Variants in SHC4 observed in about 807,000 individuals in gnomAD.
SHC4 encodes the protein SHC-transforming protein 4.
SHC4 carries 41 observed loss-of-function variants against 69.4 expected under a neutral mutation model. The observed-to-expected ratio is 0.59, with a 90% CI of 0.46 to 0.77. The LOEUF (loss-of-function observed/expected upper bound fraction) is 0.77. SHC4 is among the 30% of genes least tolerant of loss of function. The probability of loss-of-function intolerance (pLI) is 0.00; values close to 1 mark genes in which losing one functional copy is unlikely to be tolerated. For missense variants in SHC4, 777 were observed against 783.8 expected, an observed-to-expected ratio of 0.99 and a Z score of 0.10; for synonymous variants, 318 against 299.3, an observed-to-expected ratio of 1.06 and a Z score of -0.64.
At chr15:48,878,968 G>A in intron 4 of SHC4, 1 of 460,616 alleles carries the variant, frequency 2.2e-6, no homozygotes, top group Non-Finnish European at 4.0e-6. Context: ...CAATTATCAA[G>A]AACGTCCTAA....
chr15:48,907,771 CATATAT>C (rs59241668), intron 2 of SHC4, among the ~76,000 whole-genome samples: 1 of 147,124 alleles, frequency 6.8e-6, no homozygotes, highest in Non-Finnish European at 1.5e-5. Flanking sequence ...AGTATTCCAT[CATATAT>C]ATATATATAC....
intron 1 of SHC4, among the ~76,000 whole-genome samples, chr15:48,952,832 T>G (rs1044508779): frequency 4.6e-5 from 7 of 152,226 alleles, no homozygotes; most frequent in African/African-American, 1.7e-4. Flanking sequence ...GTGCAAATAG[T>G]TCAACCATTG....
intron 2 of SHC4, among the ~76,000 whole-genome samples, chr15:48,922,688 T>C (rs1900773017): frequency 6.6e-6 from 1 of 152,224 alleles, no homozygotes; most frequent in Non-Finnish European, 1.5e-5. Context: ...ATTCAGACCA[T>C]AGCTCTCAGG....
At chr15:48,878,349 T>A in intron 4 of SHC4, 1 of 1,613,286 alleles carries the variant, frequency 6.2e-7, no homozygotes, top group Non-Finnish European at 8.5e-7. Context: ...GAAGGCCCAA[T>A]GGAGGAGGAG....
intron 3 of SHC4, among the ~76,000 whole-genome samples, chr15:48,890,265 A>G (rs1900111324): frequency 1.3e-5 from 2 of 152,210 alleles, no homozygotes; most frequent in South Asian, 4.1e-4. Context: ...TACTGTACCC[A>G]TGTGCTATTA....
At chr15:48,865,599 G>A (rs1899545399) in intron 6 of SHC4, among the ~76,000 whole-genome samples, 1 of 152,118 alleles carries the variant, frequency 6.6e-6, no homozygotes, top group Non-Finnish European at 1.5e-5. Context: ...GCCTGACATC[G>A]TACAGTGAGA....
intron 1 of SHC4, among the ~76,000 whole-genome samples, chr15:48,940,959 A>G (rs1448536394): frequency 6.6e-6 from 1 of 152,180 alleles, no homozygotes; most frequent in East Asian, 1.9e-4. Flanking sequence ...ACTTCTTTTT[A>G]CATGAAACAC....
chr15:48,944,803 C>G (rs1488033033), intron 1 of SHC4, among the ~76,000 whole-genome samples: 1 of 152,190 alleles, frequency 6.6e-6, no homozygotes, highest in African/African-American at 2.4e-5. Flanking sequence ...TTACTCGAAT[C>G]AGTTCAGCAG....
chr15:48,962,342 G>A, intron 1 of SHC4, 89 bp downstream of exon 1: 1 of 1,344,530 alleles, frequency 7.4e-7, no homozygotes, highest in Non-Finnish European at 1.0e-6. Flanking sequence ...ACAGAACCCA[G>A]GCAGGTAACA....
At chr15:48,869,556 T>G (rs1221354762) in intron 5 of SHC4, among the ~76,000 whole-genome samples, 1 of 152,210 alleles carries the variant, frequency 6.6e-6, no homozygotes, top group African/African-American at 2.4e-5. Flanking sequence ...TAACCATGTA[T>G]CATTTCACTT....
intron 11 of SHC4, among the ~76,000 whole-genome samples, chr15:48,828,712 A>G: frequency 6.6e-6 from 1 of 152,118 alleles, no homozygotes. Flanking sequence ...AACAAGTGTG[A>G]GGTATTATCT....
intron 3 of SHC4, among the ~76,000 whole-genome samples, chr15:48,887,436 T>A (rs886700218): frequency 6.6e-6 from 1 of 152,198 alleles, no homozygotes; most frequent in African/African-American, 2.4e-5. Context: ...CACTAGTGGC[T>A]AGGTTTTTTG....
chr15:48,916,983 T>C (rs1900635336), intron 2 of SHC4, among the ~76,000 whole-genome samples: 1 of 152,184 alleles, frequency 6.6e-6, no homozygotes, highest in African/African-American at 2.4e-5. Context: ...ATGAAATAAA[T>C]GTTCCCTTTG....
chr15:48,936,678 A>G (rs1901077021), intron 1 of SHC4, among the ~76,000 whole-genome samples: 1 of 152,106 alleles, frequency 6.6e-6, no homozygotes, highest in Non-Finnish European at 1.5e-5. Context: ...TTTATTAATG[A>G]CCCAGTCTTG....
chr15:48,956,673 C>T (rs1306004441), intron 1 of SHC4, among the ~76,000 whole-genome samples: 1 of 152,188 alleles, frequency 6.6e-6, no homozygotes, highest in Non-Finnish European at 1.5e-5. Context: ...AAACTTACTG[C>T]CTCCACCCAT....
chr15:48,943,004 T>C (rs1015106862), intron 1 of SHC4, among the ~76,000 whole-genome samples: 3 of 152,324 alleles, frequency 2.0e-5, no homozygotes, highest in Non-Finnish European at 4.4e-5. Context: ...CCTTTAACAT[T>C]CTTCTGAAAT....
intron 2 of SHC4, among the ~76,000 whole-genome samples, chr15:48,908,691 G>A (rs1223827586): frequency 2.6e-5 from 4 of 152,106 alleles, no homozygotes; most frequent in African/African-American, 4.8e-5. Flanking sequence ...CAGGTCTTAG[G>A]TTTAAATCCT....
chr15:48,907,195 G>A (rs11854994), intron 2 of SHC4, among the ~76,000 whole-genome samples: 53,397 of 151,372 alleles, frequency 0.35, 10,985 homozygotes, highest in Middle Eastern at 0.57. Flanking sequence ...AACGGTCATG[G>A]TGATGTGTGA....
intron 10 of SHC4, among the ~76,000 whole-genome samples, chr15:48,842,206 T>G (rs987006152): frequency 6.6e-6 from 1 of 152,250 alleles, no homozygotes; most frequent in African/African-American, 2.4e-5. Context: ...GAAAGATGTT[T>G]GTCTTATTGT....
Sources: allele counts gnomAD v4.1 joint callset (sites outside exome capture counted in the v4.1 genomes callset), GRCh38; gene constraint gnomAD v4.1.1; transcripts MANE v1.5; gene names NCBI Gene and HGNC (gene_info 2026-07-23, HGNC 2026-07-21).